Variants in MAGI1 observed in about 807,000 individuals in gnomAD.
The protein encoded by MAGI1 is membrane-associated guanylate kinase, WW and PDZ domain-containing protein 1.
A neutral mutation model predicts 139.9 loss-of-function variants in MAGI1; 58 were observed. The ratio of observed to expected loss-of-function variants is 0.41; its 90% CI spans 0.34 to 0.52. The LOEUF (loss-of-function observed/expected upper bound fraction) is 0.52, where lower values mean the gene tolerates loss of function less well. MAGI1 is among the 20% of genes least tolerant of loss of function. The pLI, the probability that MAGI1 is intolerant of heterozygous loss-of-function variation, is 0.12. For missense variants in MAGI1, 1,874 were observed against 1,901.6 expected (o/e 0.99, Z 0.27); for synonymous variants, 812 against 737.9 (o/e 1.10, Z -1.63).
intron 1 of MAGI1, among the ~76,000 whole-genome samples, chr3:65,847,821 C>G (rs2059058859): frequency 6.6e-6 from 1 of 152,208 alleles, no homozygotes; most frequent in African/African-American, 2.4e-5. Flanking sequence ...CACTGAAGCT[C>G]AGCCTAACTA....
intron 10 of MAGI1, among the ~76,000 whole-genome samples, chr3:65,436,476 G>A (rs1269864147): frequency 6.6e-6 from 1 of 152,114 alleles, no homozygotes; most frequent in Non-Finnish European, 1.5e-5. Context: ...TCCTATGTGT[G>A]AATGTAAACA....
At chr3:65,703,424 T>C (rs184555358) in intron 1 of MAGI1, among the ~76,000 whole-genome samples, 11 of 152,358 alleles carry the variant, frequency 7.2e-5, no homozygotes, top group Admixed American at 3.9e-4. Context: ...AATATTTAAA[T>C]ATACTCCAGG....
At chr3:65,588,605 G>T (rs2081806552) in intron 2 of MAGI1, among the ~76,000 whole-genome samples, 1 of 152,140 alleles carries the variant, frequency 6.6e-6, no homozygotes, top group South Asian at 2.1e-4. Flanking sequence ...TGTAAAATGA[G>T]AGGATTGAAC....
At chr3:65,880,423 C>A (rs182594598) in intron 1 of MAGI1, among the ~76,000 whole-genome samples, 6 of 152,124 alleles carry the variant, frequency 3.9e-5, no homozygotes, top group African/African-American at 1.4e-4. Context: ...TACAACATCT[C>A]ATATCCCCTG....
intron 17 of MAGI1, among the ~76,000 whole-genome samples, chr3:65,377,405 G>C (rs1029524268): frequency 6.6e-6 from 1 of 152,210 alleles, no homozygotes; most frequent in Non-Finnish European, 1.5e-5. Context: ...CCTCATGCAA[G>C]GTATTAGGGA....
intron 2 of MAGI1, among the ~76,000 whole-genome samples, chr3:65,507,373 T>C (rs888076348): frequency 6.6e-6 from 1 of 152,246 alleles, no homozygotes; most frequent in Admixed American, 6.5e-5. Context: ...AAGTGTCTCA[T>C]GAGCAAAGGC....
intron 10 of MAGI1, among the ~76,000 whole-genome samples, chr3:65,433,344 C>T (rs1366550054): frequency 6.6e-6 from 1 of 152,088 alleles, no homozygotes; most frequent in African/African-American, 2.4e-5. Context: ...AATACATTAG[C>T]ATATTTTGTG....
At chr3:65,666,600 T>C (rs938578051) in intron 1 of MAGI1, among the ~76,000 whole-genome samples, 2 of 152,230 alleles carry the variant, frequency 1.3e-5, no homozygotes, top group Non-Finnish European at 2.9e-5. Flanking sequence ...GTCTAAACTA[T>C]GTTTCAGTGA....
At position 65,478,484 on chromosome 3, in the gene MAGI1, C is replaced by G. The variant is rs1951037447; in HGVS notation, c.757+108G>C. The stretch of plus-strand genomic sequence containing the variant: ...GTGGTCCAAGTTTGAATTTTGGCGA[C>G]TCTACAAAATCCCTCCTGAGAACAG... On this transcript the variant is annotated intron_variant, in intron 4 of 22. Coordinates refer to ENST00000402939, the MANE Select transcript of MAGI1 (RefSeq NM_001033057.2). 4 of 1,076,224 alleles carry G rather than the reference C, an allele frequency of 3.7e-6. No homozygotes were observed. The African/African-American group carries it at 4.7e-5, about 13-fold the overall frequency. The allele number at this position is 1,076,224 out of a possible 1,614,324, so 66.7% of individuals were successfully genotyped here.
intron 1 of MAGI1, among the ~76,000 whole-genome samples, chr3:65,847,379 G>A (rs2059041989): frequency 6.6e-6 from 1 of 151,706 alleles, no homozygotes; most frequent in African/African-American, 2.4e-5. Flanking sequence ...ACCACCTGGT[G>A]GTTTTTTTTC....
chr3:65,512,837 G>A (rs536729924), intron 2 of MAGI1, among the ~76,000 whole-genome samples: 5 of 151,784 alleles, frequency 3.3e-5, no homozygotes, highest in African/African-American at 9.7e-5. Context: ...ACCAAAGCCA[G>A]GCAGAGACAC....
intron 2 of MAGI1, among the ~76,000 whole-genome samples, chr3:65,591,602 T>C (rs79996438): frequency 0.14 from 21,309 of 152,180 alleles, 1,783 homozygotes; most frequent in South Asian, 0.2. Context: ...GGATCAAGAC[T>C]CTGCAATGGC....
intron 1 of MAGI1, among the ~76,000 whole-genome samples, chr3:65,766,690 G>C (rs2037505310): frequency 6.6e-6 from 1 of 152,032 alleles, no homozygotes; most frequent in South Asian, 2.1e-4. Flanking sequence ...ATGAGTTTGA[G>C]ACTAGCCTGG....
Position 66,038,437 on chromosome 3 carries a change from C to T in MAGI1, c.-129G>A. The T allele has an allele frequency of 2.3e-6, 3 of 1,298,566 alleles. No individual in the cohort carries two copies. The highest frequency in any genetic ancestry group is 5.2e-5 in the East Asian group (2 of 38,376). 80.4% of individuals were successfully genotyped at this position (1,298,566 alleles called of 1,614,324 possible). ...CAAATCACAAAACAGGAGAGAGAAACTTGGCAGCCTCGCTCCCCTGCACAC... is the reference window on the plus strand; with the variant it reads ...CAAATCACAAAACAGGAGAGAGAAATTTGGCAGCCTCGCTCCCCTGCACAC... On this transcript the variant is annotated 5_prime_UTR_variant, in exon 1 of 23. Coordinates refer to ENST00000402939, the MANE Select transcript of MAGI1 (RefSeq NM_001033057.2).
chr3:65,589,041 T>G (rs2081830503), intron 2 of MAGI1, among the ~76,000 whole-genome samples: 1 of 151,374 alleles, frequency 6.6e-6, no homozygotes. Flanking sequence ...AAGTAAAGAG[T>G]TTTCTAATGT....
intron 12 of MAGI1, among the ~76,000 whole-genome samples, chr3:65,421,266 G>C (rs1438502507): frequency 1.3e-5 from 2 of 152,154 alleles, no homozygotes; most frequent in Non-Finnish European, 2.9e-5. Context: ...AGGCCAGAAG[G>C]CTCCTTTAAT....
intron 6 of MAGI1, chr3:65,452,914 T>C: frequency 4.7e-6 from 1 of 213,584 alleles, no homozygotes; most frequent in Non-Finnish European, 9.5e-6. Context: ...TGAGAATGTG[T>C]GACTGACCAG....
intron 1 of MAGI1, among the ~76,000 whole-genome samples, chr3:65,738,518 A>G (rs1425460324): frequency 6.6e-6 from 1 of 152,210 alleles, no homozygotes; most frequent in East Asian, 1.9e-4. Context: ...AATTGTTTCC[A>G]GAAGATTTTC....
At chr3:65,665,725 T>A (rs1050786608) in intron 1 of MAGI1, among the ~76,000 whole-genome samples, 2 of 152,096 alleles carry the variant, frequency 1.3e-5, no homozygotes, top group Non-Finnish European at 2.9e-5. Context: ...AGTATGTGGA[T>A]CACTCTTGGA....
Sources: allele counts gnomAD v4.1 joint callset (sites outside exome capture counted in the v4.1 genomes callset), GRCh38; gene constraint gnomAD v4.1.1; transcripts MANE v1.5; gene names NCBI Gene and HGNC (gene_info 2026-07-23, HGNC 2026-07-21).